The following TSPAN9 variants were observed in gnomAD, a reference collection of about 807,000 sequenced individuals.
TSPAN9 encodes tetraspanin-9.
Under a neutral mutation model 31.0 loss-of-function variants are expected in TSPAN9, and 16 were observed. The observed-to-expected ratio is 0.52, with a 90% CI of 0.35 to 0.78. The LOEUF (loss-of-function observed/expected upper bound fraction) is 0.78, where lower values mean the gene tolerates loss of function less well. TSPAN9 is among the 30% of genes least tolerant of loss of function. TSPAN9 has a pLI of 0.01. For missense variants in TSPAN9, 272 were observed against 312.5 expected (o/e 0.87, Z 0.98); for synonymous variants, 145 against 121.6 (o/e 1.19, Z -1.27).
chr12:3,224,881 G>A (rs909027354), intron 3 of TSPAN9, among the ~76,000 whole-genome samples: 11 of 152,274 alleles, frequency 7.2e-5, no homozygotes, highest in Admixed American at 2.0e-4. Flanking sequence ...CTTGTGGGGG[G>A]CTGCTGCAGG....
intron 2 of TSPAN9, among the ~76,000 whole-genome samples, chr12:3,120,797 G>A (rs138681331): frequency 6.6e-6 from 1 of 152,380 alleles, no homozygotes; most frequent in Non-Finnish European, 1.5e-5. Context: ...CCTGCCCGAG[G>A]TGAGGCCGAG....
intron 2 of TSPAN9, among the ~76,000 whole-genome samples, chr12:3,105,546 G>T (rs2098313899): frequency 6.6e-6 from 1 of 152,032 alleles, no homozygotes; most frequent in Admixed American, 6.5e-5. Flanking sequence ...CCTTGAGAGG[G>T]GCAGGGAGGG....
intron 2 of TSPAN9, among the ~76,000 whole-genome samples, chr12:3,167,196 G>T (rs1475171855): frequency 6.6e-6 from 1 of 152,166 alleles, no homozygotes; most frequent in African/African-American, 2.4e-5. Context: ...CATCCACGTA[G>T]CTGCAAGTGG....
At chr12:3,156,128 GCCAGCCTCCTCC>G (rs1474710310) in intron 2 of TSPAN9, among the ~76,000 whole-genome samples, 1 of 152,152 alleles carries the variant, frequency 6.6e-6, no homozygotes, top group Non-Finnish European at 1.5e-5. Context: ...TTAATAACAG[GCCAGCCTCCTCC>G]CCAGCCTGTG....
chr12:3,115,656 G>A (rs1319977877), intron 2 of TSPAN9, among the ~76,000 whole-genome samples: 1 of 152,190 alleles, frequency 6.6e-6, no homozygotes, highest in Middle Eastern at 3.2e-3. Flanking sequence ...GGGCAAGAGA[G>A]CTCTCTGAGG....
chr12:3,107,548 C>A lies in TSPAN9; in HGVS notation c.-18+23829C>A, dbSNP rs2098315316. On this transcript the variant is annotated intron_variant, in intron 2 of 8. Coordinates refer to ENST00000011898, the MANE Select transcript of TSPAN9 (RefSeq NM_006675.5). This position sits in a 1 kb window ranked among gnomAD's most constrained non-coding sequence, Gnocchi z 4.1. ...CAGTCCAGCCCCCCTATCCCTGTGCCCTTCATCTGGGGCCATGCATGCCTC... is the reference window on the plus strand; with the variant it reads ...CAGTCCAGCCCCCCTATCCCTGTGCACTTCATCTGGGGCCATGCATGCCTC... Among the ~76,000 whole-genome samples, 1 of 152,100 alleles carries A rather than the reference C, an allele frequency of 6.6e-6. No individual in the cohort carries two copies. The highest frequency in any genetic ancestry group is 2.1e-4 in the South Asian group (1 of 4,828).
chr12:3,140,987 G>C (rs1166302829), intron 2 of TSPAN9, among the ~76,000 whole-genome samples: 3 of 151,482 alleles, frequency 2.0e-5, no homozygotes, highest in African/African-American at 7.3e-5. Flanking sequence ...GGGAAGGGCT[G>C]TGGGAAGTGT....
At chr12:3,084,995 G>A (rs1229143129) in intron 2 of TSPAN9, among the ~76,000 whole-genome samples, 1 of 152,186 alleles carries the variant, frequency 6.6e-6, no homozygotes, top group African/African-American at 2.4e-5. Context: ...TTTCATTCTT[G>A]CAGCTCTGGG....
chr12:3,147,138 T>C lies in TSPAN9; in HGVS notation c.-17-54039T>C, dbSNP rs940853869. On this transcript the variant is annotated intron_variant, in intron 2 of 8. Transcript: ENST00000011898. This position sits in a 1 kb window ranked among gnomAD's most constrained non-coding sequence, Gnocchi z 4.3. Reference sequence around the variant, plus strand: ...CCTTTCTGCAGGGTATGTAGTGAGATATTTTTGAGTTTAGGGTGGAGACTG... The same window carrying C: ...CCTTTCTGCAGGGTATGTAGTGAGACATTTTTGAGTTTAGGGTGGAGACTG... Among the ~76,000 whole-genome samples, 4 of 152,114 alleles carry C rather than the reference T, an allele frequency of 2.6e-5. No homozygotes were observed. The highest frequency in any genetic ancestry group is 7.2e-5 in the African/African-American group (3 of 41,440).
At chr12:3,144,888 C>A (rs1038575272) in intron 2 of TSPAN9, among the ~76,000 whole-genome samples, 2 of 152,258 alleles carry the variant, frequency 1.3e-5, no homozygotes, top group African/African-American at 4.8e-5. Flanking sequence ...TAAACCATAG[C>A]TGCTGATGAT....
At chr12:3,197,403 C>A (rs1454350355) in intron 2 of TSPAN9, among the ~76,000 whole-genome samples, 5 of 152,214 alleles carry the variant, frequency 3.3e-5, no homozygotes, top group Non-Finnish European at 5.9e-5. Context: ...GCCCCTTCAT[C>A]TCCAGACAGC....
At chr12:3,148,782 G>C (rs534193579) in intron 2 of TSPAN9, among the ~76,000 whole-genome samples, 41 of 152,334 alleles carry the variant, frequency 2.7e-4, no homozygotes, top group Non-Finnish European at 4.7e-4. Flanking sequence ...CTGCCCAGGC[G>C]GGGGAGGGAC....
At chr12:3,281,662 T>C in intron 7 of TSPAN9, 72 bp from the exon 8 acceptor site, 1 of 1,505,884 alleles carries the variant, frequency 6.6e-7, no homozygotes, top group Non-Finnish European at 9.1e-7. Context: ...AAGGAGAGAG[T>C]GAGCTGGGGG....
intron 3 of TSPAN9, among the ~76,000 whole-genome samples, chr12:3,223,174 G>A (rs1014958810): frequency 1.3e-5 from 2 of 152,348 alleles, no homozygotes; most frequent in East Asian, 1.9e-4. Flanking sequence ...CTTTAAAATC[G>A]ATGCAGAGTA....
intron 3 of TSPAN9, among the ~76,000 whole-genome samples, chr12:3,241,436 A>G (rs2098396520): frequency 6.6e-6 from 1 of 152,194 alleles, no homozygotes. Context: ...TTTGAAAAAC[A>G]CAGTCATACA....
chr12:3,142,904 T>A (rs945363982), intron 2 of TSPAN9, among the ~76,000 whole-genome samples: 1 of 152,248 alleles, frequency 6.6e-6, no homozygotes, highest in Non-Finnish European at 1.5e-5. Flanking sequence ...CTCCATTGCG[T>A]TGAGTTGTCC....
chr12:3,215,924 G>T (rs2098381163), intron 3 of TSPAN9, among the ~76,000 whole-genome samples: 1 of 152,172 alleles, frequency 6.6e-6, no homozygotes, highest in Non-Finnish European at 1.5e-5. Context: ...TGTCTGGCTT[G>T]CTCAGGCTCA....
chr12:3,204,493 C>T (rs1054224736), intron 3 of TSPAN9, among the ~76,000 whole-genome samples: 4 of 152,202 alleles, frequency 2.6e-5, no homozygotes, highest in Admixed American at 6.5e-5. Flanking sequence ...AGGTGCCTCA[C>T]AGGCTGCTGG....
chr12:3,282,467 C>T (rs76617946), intron 8 of TSPAN9, among the ~76,000 whole-genome samples: 8 of 152,218 alleles, frequency 5.3e-5, no homozygotes, highest in African/African-American at 9.6e-5. Context: ...CGTCATAGCT[C>T]GCTGCAGCCA....
Sources: gnomAD v4.1 joint callset for allele counts (sites outside exome capture counted in the v4.1 genomes callset) on GRCh38, gnomAD v4.1.1 for gene constraint, Gnocchi (gnomAD v3.1) non-coding constraint, MANE v1.5 for transcripts, NCBI Gene and HGNC (gene_info 2026-07-23, HGNC 2026-07-21) for gene names.